Variants in NALF1 observed in about 807,000 individuals in gnomAD.
The protein encoded by NALF1 is family with sequence similarity 155 member A.
A neutral mutation model predicts 48.4 loss-of-function variants in NALF1; 3 were observed. The observed-to-expected ratio is 0.06, with a 90% CI of 0.03 to 0.16. The LOEUF is 0.16. Among genes scored for constraint, NALF1 ranks in the 10% least tolerant of loss-of-function variants. NALF1 has a pLI of 1.00. For synonymous variants in NALF1, 262 were observed against 245.7 expected (o/e 1.07, Z -0.62); for missense variants, 526 against 571.5 (o/e 0.92, Z 0.81).
At chr13:107,712,858 T>C (rs780438542) in intron 1 of NALF1, among the ~76,000 whole-genome samples, 27 of 152,222 alleles carry the variant, frequency 1.8e-4, no homozygotes, top group Non-Finnish European at 1.3e-4. Context: ...AAAGACTTTC[T>C]CTTGTGTATT....
intron 1 of NALF1, among the ~76,000 whole-genome samples, chr13:107,369,933 AAT>A (rs2138963588): frequency 6.6e-6 from 1 of 152,326 alleles, no homozygotes; most frequent in African/African-American, 2.4e-5. Context: ...CCAAAGGAGA[AAT>A]AGAAAATATA....
At chr13:107,727,484 G>GAAAGATA (rs1876191388) in intron 1 of NALF1, among the ~76,000 whole-genome samples, 1 of 152,192 alleles carries the variant, frequency 6.6e-6, no homozygotes, top group East Asian at 1.9e-4. Flanking sequence ...GGACAACAGG[G>GAAAGATA]AAAGATAAAA....
chr13:107,313,362 A>C (rs946409765), intron 1 of NALF1, among the ~76,000 whole-genome samples: 13 of 152,166 alleles, frequency 8.5e-5, no homozygotes, highest in Non-Finnish European at 1.8e-4. Flanking sequence ...GGGAAATGTC[A>C]AGCAGGGAAC....
At chr13:107,364,135 A>G (rs1883111654) in intron 1 of NALF1, among the ~76,000 whole-genome samples, 1 of 152,238 alleles carries the variant, frequency 6.6e-6, no homozygotes, top group Non-Finnish European at 1.5e-5. Flanking sequence ...ACTGTTTTAA[A>G]GTATCTTCTT....
intron 1 of NALF1, among the ~76,000 whole-genome samples, chr13:107,239,081 T>G (rs1408769286): frequency 6.6e-6 from 1 of 152,036 alleles, no homozygotes; most frequent in Non-Finnish European, 1.5e-5. Flanking sequence ...GAAGGTCAAA[T>G]TAACACAGGA....
chr13:107,394,873 G>A (rs1186318577), intron 1 of NALF1, among the ~76,000 whole-genome samples: 1 of 152,092 alleles, frequency 6.6e-6, no homozygotes, highest in East Asian at 1.9e-4. Context: ...GAAGGAGGAA[G>A]GAGAACAAAA....
At position 107,507,910 on chromosome 13, in the gene NALF1, T is replaced by C. The variant is rs1051665992; in HGVS notation, c.916-297155A>G. On this transcript the variant is annotated intron_variant, in intron 1 of 2. Coordinates refer to ENST00000375915, the MANE Select transcript of NALF1 (RefSeq NM_001080396.3). ...CTCTTCCAATGCAATGCAGCGTGGCTCCACCCTGTGTCATCATCTCCCAAG... is the reference window on the plus strand; with the variant it reads ...CTCTTCCAATGCAATGCAGCGTGGCCCCACCCTGTGTCATCATCTCCCAAG... 3.3e-5 allele frequency among the ~76,000 whole-genome samples: 5 copies of C among 152,272 alleles called. 1 individual carries two copies. Among genetic ancestry groups the C allele is most frequent in the Admixed American group, 3.3e-4 (5 of 15,290 alleles).
intron 1 of NALF1, among the ~76,000 whole-genome samples, chr13:107,734,827 T>C (rs768727269): frequency 5.9e-5 from 9 of 152,158 alleles, no homozygotes; most frequent in Admixed American, 2.6e-4. Flanking sequence ...ATACTAAGAA[T>C]TTGTATGAGT....
chr13:107,258,498 A>G (rs1458877235), intron 1 of NALF1, among the ~76,000 whole-genome samples: 1 of 152,188 alleles, frequency 6.6e-6, no homozygotes, highest in Admixed American at 6.5e-5. Context: ...GGTCAAATCT[A>G]CAATCACAAA....
intron 1 of NALF1, among the ~76,000 whole-genome samples, chr13:107,517,315 A>G (rs9520475): frequency 0.64 from 97,916 of 151,926 alleles, 33,896 homozygotes; most frequent in Middle Eastern, 0.81. Context: ...TTACTCCCCC[A>G]TGTTACTGGG....
intron 1 of NALF1, among the ~76,000 whole-genome samples, chr13:107,703,983 GT>G (rs1335183346): frequency 6.6e-6 from 1 of 151,988 alleles, no homozygotes; most frequent in East Asian, 1.9e-4. Context: ...CTTATTAATA[GT>G]TTGGCTGTCT....
intron 1 of NALF1, among the ~76,000 whole-genome samples, chr13:107,212,202 T>C (rs1879777291): frequency 6.6e-6 from 1 of 152,232 alleles, no homozygotes; most frequent in Non-Finnish European, 1.5e-5. Flanking sequence ...CGCTTTATTC[T>C]GTGATCAAGG....
At chr13:107,285,442 T>G (rs1038352835) in intron 1 of NALF1, among the ~76,000 whole-genome samples, 1 of 152,208 alleles carries the variant, frequency 6.6e-6, no homozygotes, top group South Asian at 2.1e-4. Context: ...GTTCTTAGAC[T>G]AGACAGTCTG....
At chr13:107,615,410 C>T (rs9520512) in intron 1 of NALF1, among the ~76,000 whole-genome samples, 37,333 of 152,120 alleles carry the variant, frequency 0.25, 5,151 homozygotes, top group East Asian at 0.48. Context: ...CCATGACTAT[C>T]CCCCTGTCAA....
chr13:107,683,283 C>A (rs1396554277), intron 1 of NALF1, among the ~76,000 whole-genome samples: 1 of 152,158 alleles, frequency 6.6e-6, no homozygotes, highest in Non-Finnish European at 1.5e-5. Context: ...GTAAGTTGAA[C>A]AGACATAATT....
chr13:107,526,290 C>A (rs550198603), intron 1 of NALF1, among the ~76,000 whole-genome samples: 44 of 152,232 alleles, frequency 2.9e-4, no homozygotes, highest in African/African-American at 1.0e-3. Flanking sequence ...ACCACAGTGC[C>A]TCTGAACTCA....
At chr13:107,639,660 G>C (rs76915316) in intron 1 of NALF1, among the ~76,000 whole-genome samples, 18,390 of 151,502 alleles carry the variant, frequency 0.12, 1,593 homozygotes, top group Admixed American at 0.21. Flanking sequence ...TCAGGACACA[G>C]GTTTGGGGTG....
chr13:107,680,221 T>C (rs1469405101), intron 1 of NALF1, among the ~76,000 whole-genome samples: 1 of 152,268 alleles, frequency 6.6e-6, no homozygotes, highest in Non-Finnish European at 1.5e-5. Flanking sequence ...GATTTGCCAT[T>C]TGACTTCCAC....
chr13:107,648,184 T>C (rs1209366627), intron 1 of NALF1, among the ~76,000 whole-genome samples: 1 of 152,192 alleles, frequency 6.6e-6, no homozygotes, highest in Non-Finnish European at 1.5e-5. Context: ...TGACAGATTA[T>C]GATTAACTGA....
Sources: gnomAD v4.1 joint callset for allele counts (sites outside exome capture counted in the v4.1 genomes callset) on GRCh38, gnomAD v4.1.1 for gene constraint, MANE v1.5 for transcripts, NCBI Gene and HGNC (gene_info 2026-07-23, HGNC 2026-07-21) for gene names.